The following ATL1 variants were observed in gnomAD, a reference collection of about 807,000 sequenced individuals.
ATL1 encodes atlastin GTPase 1.
ATL1 carries 31 observed loss-of-function variants against 75.5 expected under a neutral mutation model. The ratio of observed to expected loss-of-function variants is 0.41; its 90% CI spans 0.31 to 0.55. The LOEUF is 0.55. ATL1 is among the 20% of genes least tolerant of loss of function. ATL1 has a pLI of 0.27. For missense variants in ATL1, 405 were observed against 662.6 expected (o/e 0.61, Z 4.27); for synonymous variants, 226 against 233.3 (o/e 0.97, Z 0.28).
At chr14:50,622,228 C>A (rs2039473591) in intron 10 of ATL1, among the ~76,000 whole-genome samples, 3 of 152,184 alleles carry the variant, frequency 2.0e-5, no homozygotes, top group African/African-American at 7.2e-5. Context: ...CTAGTCTCCA[C>A]AAACATTTTT....
At chr14:50,630,084 C>A in intron 13 of ATL1, 75 bp downstream of exon 13, 1 of 1,131,124 alleles carries the variant, frequency 8.8e-7, no homozygotes, top group Non-Finnish European at 1.3e-6. Flanking sequence ...CTGACTAAGC[C>A]ATTAAAAGAT....
At chr14:50,595,849 A>C (rs541399366) in intron 6 of ATL1, among the ~76,000 whole-genome samples, 10 of 151,922 alleles carry the variant, frequency 6.6e-5, no homozygotes, top group South Asian at 4.1e-4. Flanking sequence ...GAAATGAAAG[A>C]TGAATTAGGC....
At chr14:50,583,066 A>G (rs992860385) in intron 1 of ATL1, among the ~76,000 whole-genome samples, 4 of 152,168 alleles carry the variant, frequency 2.6e-5, no homozygotes, top group Non-Finnish European at 5.9e-5. Context: ...ATCTGATATG[A>G]TAAAATGTAT....
At chr14:50,598,402 G>C (rs1172807502) in intron 6 of ATL1, among the ~76,000 whole-genome samples, 2 of 151,766 alleles carry the variant, frequency 1.3e-5, no homozygotes, top group Non-Finnish European at 2.9e-5. Flanking sequence ...TGTTGTCCGG[G>C]ATGGAATGCA....
At chr14:50,593,727 C>A in intron 4 of ATL1, 119 bp from the exon 5 acceptor site, 1 of 659,904 alleles carries the variant, frequency 1.5e-6, no homozygotes, top group Non-Finnish European at 2.8e-6. Context: ...ATCATGTAAG[C>A]ATGTACATAA....
rs387906941 is a variant in ATL1, at chr14:50,628,157, C to T, written c.1246C>T (p.Arg416Cys). 5.6e-6 allele frequency: 9 copies of T among 1,614,150 alleles called. No individual in the cohort carries two copies. The highest frequency in any genetic ancestry group is 2.2e-5 in the East Asian group (1 of 44,886). ...KKMGGEEFSR[R>C]YLQQLESEID... Reference sequence around the variant, plus strand: ...GATGGGTGGGGAAGAATTTAGCCGGCGTTACCTGCAGCAGTTGGAGAGTGA... The same window carrying T: ...GATGGGTGGGGAAGAATTTAGCCGGTGTTACCTGCAGCAGTTGGAGAGTGA... The change falls in exon 12 of 14, where the codon CGT (arginine) becomes TGT (cysteine). Residue 416 changes from arginine (R) to cysteine (C), a missense_variant. Coordinates refer to ENST00000358385, the MANE Select transcript of ATL1 (RefSeq NM_015915.5).
At chr14:50,575,519 T>C (rs2038997899) in intron 1 of ATL1, among the ~76,000 whole-genome samples, 1 of 152,156 alleles carries the variant, frequency 6.6e-6, no homozygotes, top group Admixed American at 6.5e-5. Flanking sequence ...CTGTATAAAC[T>C]CTTTTGCTGT....
At chr14:50,601,782 G>C (rs547849059) in intron 6 of ATL1, among the ~76,000 whole-genome samples, 1 of 152,254 alleles carries the variant, frequency 6.6e-6, no homozygotes, top group African/African-American at 2.4e-5. Context: ...AAATAACTAG[G>C]TTCTTTATAT....
intron 6 of ATL1, among the ~76,000 whole-genome samples, chr14:50,609,311 T>C (rs899130564): frequency 6.6e-6 from 1 of 152,030 alleles, no homozygotes; most frequent in East Asian, 1.9e-4. Context: ...GAACATCATA[T>C]GTAATCTCTA....
chr14:50,538,058 C>T, intron 1 of ATL1, among the ~76,000 whole-genome samples: 1 of 152,150 alleles, frequency 6.6e-6, no homozygotes, highest in Admixed American at 6.5e-5. Flanking sequence ...TGTGTGCCCA[C>T]CCACATCTCA....
chr14:50,608,781 T>C (rs1184053046), intron 6 of ATL1, among the ~76,000 whole-genome samples: 2 of 152,006 alleles, frequency 1.3e-5, no homozygotes, highest in Non-Finnish European at 2.9e-5. Flanking sequence ...TTGAAAAAAT[T>C]ACTTCCCAGC....
chr14:50,590,851 A>G, intron 2 of ATL1, 90 bp from the exon 3 acceptor site: 1 of 1,379,300 alleles, frequency 7.3e-7, no homozygotes, highest in Non-Finnish European at 1.0e-6. Context: ...TTTTAACTCG[A>G]ATTGGAGAGG....
At chr14:50,622,265 G>A (rs566253551) in intron 10 of ATL1, among the ~76,000 whole-genome samples, 6 of 152,352 alleles carry the variant, frequency 3.9e-5, no homozygotes, top group Admixed American at 2.0e-4. Context: ...ACGGTGGCAT[G>A]TGCCTGTAGG....
chr14:50,604,105 A>T (rs2039295485), intron 6 of ATL1, among the ~76,000 whole-genome samples: 2 of 152,192 alleles, frequency 1.3e-5, no homozygotes, highest in South Asian at 4.1e-4. Context: ...AAAAAAACTA[A>T]TGTTACCGCT....
chr14:50,628,084 C>T lies in ATL1; in HGVS notation c.1173C>T (p.His391=), dbSNP rs149340140. The T allele has an allele frequency of 1.2e-4, 189 of 1,614,024 alleles. No homozygotes were observed. The highest frequency in any genetic ancestry group is 1.6e-4 in the Middle Eastern group (1 of 6,084). The change falls in exon 12 of 14, where the codon CAC becomes CAT. Residue 391 remains histidine, a synonymous_variant. Coordinates refer to ENST00000358385, the MANE Select transcript of ATL1 (RefSeq NM_015915.5). Reference sequence around the variant, plus strand: ...CCCCAAATGACTTGCAGACCAAACACCTGCAACTTAAGGAAGAATCTGTGA... The same window carrying T: ...CCCCAAATGACTTGCAGACCAAACATCTGCAACTTAAGGAAGAATCTGTGA... ...FLAPNDLQTK[H]LQLKEESVKL... is the part of the protein sequence containing the mutation.
At chr14:50,560,372 CAGGG>C in intron 1 of ATL1, 73 bp downstream of exon 1, 1 of 1,564,736 alleles carries the variant, frequency 6.4e-7, no homozygotes, top group Non-Finnish European at 8.7e-7. Flanking sequence ...TCTGTGGAGA[CAGGG>C]AGGGCCAAGG....
At chr14:50,552,891 C>T (rs2038720248) in intron 1 of ATL1, among the ~76,000 whole-genome samples, 3 of 152,120 alleles carry the variant, frequency 2.0e-5, no homozygotes. Flanking sequence ...AACCTAAGAA[C>T]TGAAACCACA....
chr14:50,544,936 CAAAAAAA>C (rs35420627), intron 1 of ATL1, among the ~76,000 whole-genome samples: 41 of 58,478 alleles, frequency 7.0e-4, no homozygotes, highest in East Asian at 4.3e-3. Flanking sequence ...GACCCACTCT[CAAAAAAA>C]AAAAAAAAAA....
chr14:50,549,047 C>T (rs1206415208), intron 1 of ATL1, among the ~76,000 whole-genome samples: 3 of 152,088 alleles, frequency 2.0e-5, no homozygotes, highest in African/African-American at 7.3e-5. Context: ...AAAGGGGTGC[C>T]CTGTGTACTA....
Sources: allele counts gnomAD v4.1 joint callset (sites outside exome capture counted in the v4.1 genomes callset), GRCh38; gene constraint gnomAD v4.1.1; transcripts MANE v1.5; gene names NCBI Gene and HGNC (gene_info 2026-07-23, HGNC 2026-07-21).